The following ACOT8 variants were observed in gnomAD, a reference collection of about 807,000 sequenced individuals.
ACOT8 encodes the protein acyl-coenzyme A thioesterase 8.
In ACOT8, 31 loss-of-function variants were observed where a neutral mutation model predicts 38.4. The ratio of observed to expected loss-of-function variants is 0.81; its 90% CI spans 0.61 to 1.09. The LOEUF (loss-of-function observed/expected upper bound fraction) is 1.09. Among genes scored for constraint, ACOT8 ranks in the 50% least tolerant of loss-of-function variants. ACOT8 has a pLI of 0.00. For missense variants in ACOT8, 373 were observed against 421.8 expected (o/e 0.88, Z 1.01); for synonymous variants, 158 against 170.3 (o/e 0.93, Z 0.56).
chr20:45,850,269 A>T (rs1327989323), intron 2 of ACOT8, among the ~76,000 whole-genome samples: 2 of 152,128 alleles, frequency 1.3e-5, no homozygotes, highest in African/African-American at 4.8e-5. Flanking sequence ...GGGACATCCT[A>T]TGTGATTGGT....
intron 3 of ACOT8, chr20:45,847,862 C>T (rs1984785885): frequency 1.3e-5 from 2 of 150,994 alleles, no homozygotes; most frequent in South Asian, 2.1e-4. Flanking sequence ...CTGCAGCCTC[C>T]ACCTCCCAGG....
At chr20:45,854,296 G>A (rs1487388327) in intron 2 of ACOT8, among the ~76,000 whole-genome samples, 6 of 127,654 alleles carry the variant, frequency 4.7e-5, no homozygotes, top group Non-Finnish European at 1.1e-4. Context: ...TGCAAGCTCC[G>A]CCTTCCGGGT....
chr20:45,852,960 G>T (rs895782081), intron 2 of ACOT8, among the ~76,000 whole-genome samples: 8 of 151,892 alleles, frequency 5.3e-5, no homozygotes, highest in African/African-American at 1.9e-4. Context: ...GTAGAGACTG[G>T]GTTTCACCAT....
At chr20:45,847,062 T>C (rs1317593696) in intron 3 of ACOT8, among the ~76,000 whole-genome samples, 1 of 152,016 alleles carries the variant, frequency 6.6e-6, no homozygotes, top group East Asian at 1.9e-4. Flanking sequence ...ATACAAAAAT[T>C]AGCCAGGCAT....
chr20:45,843,500 C>T, intron 5 of ACOT8, 27 bp downstream of exon 5: 3 of 1,604,070 alleles, frequency 1.9e-6, no homozygotes, highest in Middle Eastern at 1.7e-4. Flanking sequence ...AGGTCAGTGC[C>T]CTTGTCCCAC....
intron 5 of ACOT8, chr20:45,842,523 AAGAG>A (rs1388611946): frequency 5.9e-6 from 6 of 1,013,420 alleles, no homozygotes; most frequent in Non-Finnish European, 7.1e-6. Context: ...AAGGACTCAG[AAGAG>A]AGGACTTGAG....
intron 1 of ACOT8, among the ~76,000 whole-genome samples, chr20:45,855,639 G>C (rs1697353262): frequency 6.6e-6 from 1 of 152,176 alleles, no homozygotes; most frequent in Non-Finnish European, 1.5e-5. Context: ...TGTAATCCCA[G>C]CTACTCAGGA....
Position 45,842,158 on chromosome 20 carries a change from C to A in ACOT8, c.842-202G>T, listed in dbSNP as rs575090228. 214 of 1,523,532 alleles carry A rather than the reference C, an allele frequency of 1.4e-4. 3 individuals are homozygous for A. The South Asian group carries it at 2.5e-3, about 18-fold the overall frequency. 94.4% of individuals were successfully genotyped at this position (1,523,532 alleles called of 1,614,324 possible). A position where few individuals can be genotyped will look rare whatever the true frequency, so the allele number is the denominator to read the frequency against. On this transcript the variant is annotated intron_variant, in intron 5 of 5. Transcript: ENST00000217455. ...GCCCAACCTCCAAGTGGACTTCTTG[C>A]AAAGGGTCTGGCCCAGGGCAGGGCT...
Position 45,843,570 on chromosome 20 carries a change from T to C in ACOT8, c.798A>G (p.Arg266=). The stretch of plus-strand genomic sequence containing the variant: ...ATTCATAGAGCATCCAGTGGTCAGC[T>C]CGGAAGGGGGCGTGGAACCACATGG... ...DHSMWFHAPF[R]ADHWMLYECE... The change falls in exon 5 of 6, where the codon CGA becomes CGG. Residue 266 remains arginine (R), a synonymous_variant. Transcript: ENST00000217455. The C allele has an allele frequency of 6.2e-7, 1 of 1,612,212 alleles. No homozygotes were observed. Among genetic ancestry groups the C allele is most frequent in the African/African-American group, 1.3e-5 (1 of 74,924 alleles).
chr20:45,842,337 TCA>T (rs1984269033), intron 5 of ACOT8: 2 of 1,385,938 alleles, frequency 1.4e-6, no homozygotes, highest in African/African-American at 1.5e-5. Context: ...CTCAAAAAGA[TCA>T]CAGAGGGAGG....
chr20:45,854,505 G>A lies in ACOT8; in HGVS notation c.262+654C>T, dbSNP rs142245346. On this transcript the variant is annotated intron_variant, in intron 2 of 5. Coordinates refer to ENST00000217455, the MANE Select transcript of ACOT8 (RefSeq NM_005469.4). The stretch of plus-strand genomic sequence containing the variant: ...ATTACAGGCGTGAGCCACCGCGCCC[G>A]GCCTCACACATAGGTTTTAAGTTAC... Among the ~76,000 whole-genome samples the A allele has an allele frequency of 3.4e-3, 515 of 152,238 alleles. 3 individuals carry two copies. Among genetic ancestry groups the A allele is most frequent in the African/African-American group, 0.012 (497 of 41,550 alleles).
At chr20:45,853,893 C>T (rs772257443) in intron 2 of ACOT8, 1 of 1,293,084 alleles carries the variant, frequency 7.7e-7, no homozygotes, top group Admixed American at 2.3e-5. Context: ...AGGGGGAAAC[C>T]CCATGGTTTT....
At position 45,841,938 on chromosome 20, in the gene ACOT8, A is replaced by G; in HGVS notation, c.860T>C (p.Val287Ala). Reference sequence around the variant, plus strand: ...ATCCTGACGCCACAGCCGCCCATGGACCAGCCCCCGAGAGCCACCTGTGGG... The same window carrying G: ...ATCCTGACGCCACAGCCGCCCATGGGCCAGCCCCCGAGAGCCACCTGTGGG... ...SPWAGGSRGL[V>A]HGRLWRQDGV... Residue 287 changes from valine (V) to alanine (A), a missense_variant, in exon 6 of 6, where the codon GTC becomes GCC. Physicochemically the swap from Val to Ala is moderately conservative, Grantham distance 64. Coordinates refer to ENST00000217455, the MANE Select transcript of ACOT8 (RefSeq NM_005469.4). 6.2e-7 allele frequency: 1 copy of G among 1,612,928 alleles called. No homozygotes were observed. The highest frequency in any genetic ancestry group is 8.5e-7 in the Non-Finnish European group (1 of 1,179,944).
intron 5 of ACOT8, chr20:45,842,533 T>G: frequency 9.9e-7 from 1 of 1,008,534 alleles, no homozygotes. Context: ...AAGAGAGGAC[T>G]TGAGGCCATG....
intron 5 of ACOT8, chr20:45,843,090 C>A: frequency 8.9e-7 from 1 of 1,124,394 alleles, no homozygotes; most frequent in South Asian, 1.7e-5. Context: ...TATCCAAGAC[C>A]TACTGAGTGA....
chr20:45,855,246 T>A lies in ACOT8; in HGVS notation c.175A>T (p.Ile59Phe), dbSNP rs1035146205. The A allele has an allele frequency of 3.7e-6, 6 of 1,614,138 alleles. No individual in the cohort carries two copies. The South Asian group carries it at 5.5e-5, about 15-fold the overall frequency. ...VPAKRLFGGQ[I>F]VGQALVAAAK... The stretch of plus-strand genomic sequence containing the variant: ...GCAGCCACCAGGGCCTGGCCCACGA[T>A]CTGACCACCAAACAGCCTCTTGGCC... Residue 59 changes from isoleucine to phenylalanine, a missense_variant, in exon 2 of 6, where the codon ATC becomes TTC. Transcript: ENST00000217455.
chr20:45,844,605 G>A (rs916272086), intron 3 of ACOT8, among the ~76,000 whole-genome samples, 185 bp from the exon 4 acceptor site: 9 of 152,262 alleles, frequency 5.9e-5, no homozygotes, highest in African/African-American at 2.2e-4. Flanking sequence ...GAGCCATGTG[G>A]TCTCGTGCTA....
chr20:45,851,459 T>C (rs1370824689), intron 2 of ACOT8, among the ~76,000 whole-genome samples: 1 of 152,234 alleles, frequency 6.6e-6, no homozygotes, highest in East Asian at 1.9e-4. Context: ...TTCAGTACTC[T>C]GGTCTACCTT....
Position 45,841,874 on chromosome 20 carries a change from G to T in ACOT8, c.924C>A (p.Ile308=). Residue 308 remains isoleucine, a synonymous_variant, in exon 6 of 6, where the codon ATC becomes ATA. Transcript: ENST00000217455. ...LAVTCAQEGV[I]RVKPQVSESK... is the part of the protein sequence containing the mutation. ...TCTCTGAGACCTGGGGCTTCACTCG[G>T]ATCACGCCCTCCTGGGCACAGGTCA... 6.2e-7 allele frequency: 1 copy of T among 1,609,390 alleles called. No homozygotes were observed.
Sources: gnomAD v4.1 joint callset for allele counts (sites outside exome capture counted in the v4.1 genomes callset) on GRCh38, gnomAD v4.1.1 for gene constraint, MANE v1.5 for transcripts, NCBI Gene and HGNC (gene_info 2026-07-23, HGNC 2026-07-21) for gene names.